Variants in SVIL observed in about 807,000 individuals in gnomAD.
SVIL encodes the protein supervillin.
Under a neutral mutation model 240.4 loss-of-function variants are expected in SVIL, and 101 were observed. That is an observed-to-expected ratio of 0.42 (90% CI 0.36 to 0.50). SVIL has a LOEUF of 0.50. SVIL is among the 20% of genes least tolerant of loss of function. The probability of loss-of-function intolerance (pLI) is 0.01; values close to 1 mark genes in which losing one functional copy is unlikely to be tolerated. For synonymous variants in SVIL, 999 were observed against 1,100.0 expected, an observed-to-expected ratio of 0.91 and a Z score of 1.82; for missense variants, 2,512 against 2,818.7, an observed-to-expected ratio of 0.89 and a Z score of 2.46.
chr10:29,725,555 C>A (rs1964239472), intron 1 of SVIL, among the ~76,000 whole-genome samples: 1 of 152,098 alleles, frequency 6.6e-6, no homozygotes. Context: ...ATTTAAAGAA[C>A]AGATCCTAAA....
chr10:29,513,664 CT>C (rs1375340512), intron 16 of SVIL, among the ~76,000 whole-genome samples: 2 of 152,206 alleles, frequency 1.3e-5, no homozygotes, highest in Non-Finnish European at 2.9e-5. Context: ...AAGCCCTATT[CT>C]TTTCCTACAA....
chr10:29,520,207 C>T (rs1426421072), intron 16 of SVIL, among the ~76,000 whole-genome samples: 1 of 152,176 alleles, frequency 6.6e-6, no homozygotes, highest in Non-Finnish European at 1.5e-5. Flanking sequence ...TTAGTATTTC[C>T]CACTGGGGAA....
intron 1 of SVIL, chr10:29,697,834 C>CAA (rs1209323589): frequency 3.7e-6 from 1 of 273,518 alleles, no homozygotes; most frequent in Non-Finnish European, 6.3e-6. Context: ...ACAACAACAA[C>CAA]AAAAAAAAGT....
chr10:29,561,111 A>G (rs557962142), intron 3 of SVIL, among the ~76,000 whole-genome samples: 1 of 149,424 alleles, frequency 6.7e-6, no homozygotes, highest in Admixed American at 6.6e-5. Context: ...GCGAGCCACC[A>G]TGCCCAGCCG....
At chr10:29,652,465 G>T (rs1052273390) in intron 3 of SVIL, among the ~76,000 whole-genome samples, 1 of 152,028 alleles carries the variant, frequency 6.6e-6, no homozygotes, top group Admixed American at 6.6e-5. Flanking sequence ...CAAACATTTG[G>T]GTTGTTTCCA....
At chr10:29,524,756 C>G in intron 13 of SVIL, 41 bp from the exon 14 acceptor site, 1 of 1,605,268 alleles carries the variant, frequency 6.2e-7, no homozygotes, top group Non-Finnish European at 8.5e-7. Flanking sequence ...TACCAACAAA[C>G]AAAAGCACAC....
chr10:29,516,147 C>G (rs1169661484), intron 16 of SVIL, among the ~76,000 whole-genome samples: 1 of 152,182 alleles, frequency 6.6e-6, no homozygotes, highest in East Asian at 1.9e-4. Context: ...GCATAGGATT[C>G]TGGCTTTCTT....
intron 1 of SVIL, among the ~76,000 whole-genome samples, chr10:29,582,761 A>ATAATAATAG (rs1956003223): frequency 7.1e-6 from 1 of 141,060 alleles, no homozygotes; most frequent in African/African-American, 2.5e-5. Flanking sequence ...AATAATAATA[A>ATAATAATAG]TAATAATAGT....
chr10:29,661,160 C>T (rs1045324620), intron 2 of SVIL, among the ~76,000 whole-genome samples: 19 of 149,454 alleles, frequency 1.3e-4, no homozygotes, highest in Non-Finnish European at 2.5e-4. Context: ...AGCAAGACAC[C>T]GTCTCACAAG....
intron 1 of SVIL, among the ~76,000 whole-genome samples, chr10:29,720,573 G>A (rs921557325): frequency 6.6e-6 from 1 of 152,124 alleles, no homozygotes; most frequent in South Asian, 2.1e-4. Context: ...TAGAAATATG[G>A]ATATACACAA....
chr10:29,656,256 C>T (rs897043860), intron 3 of SVIL, among the ~76,000 whole-genome samples: 25 of 151,830 alleles, frequency 1.6e-4, no homozygotes, highest in African/African-American at 5.8e-4. Flanking sequence ...TCCTCTTTGC[C>T]TTTGCTTTTC....
chr10:29,500,241 G>A (rs535223539), intron 17 of SVIL, among the ~76,000 whole-genome samples: 70 of 152,076 alleles, frequency 4.6e-4, no homozygotes, highest in East Asian at 2.9e-3. Flanking sequence ...AGGGCAGGAG[G>A]TCCTCAAACG....
intron 1 of SVIL, among the ~76,000 whole-genome samples, chr10:29,621,929 C>T (rs983774598): frequency 6.6e-6 from 1 of 152,068 alleles, no homozygotes; most frequent in African/African-American, 2.4e-5. Context: ...CATACACAAA[C>T]ATCAGTGACT....
chr10:29,732,423 G>A (rs1044164455), intron 1 of SVIL, among the ~76,000 whole-genome samples: 5 of 151,868 alleles, frequency 3.3e-5, no homozygotes, highest in Admixed American at 6.6e-5. Flanking sequence ...TACAATATAC[G>A]ATTTTATATT....
chr10:29,486,223 T>A lies in SVIL; in HGVS notation c.4641A>T (p.Gly1547=), dbSNP rs1384856827. The A allele has an allele frequency of 3.7e-6, 6 of 1,614,188 alleles. No homozygotes were observed. Among genetic ancestry groups the A allele is most frequent in the Non-Finnish European group, 5.1e-6 (6 of 1,180,006 alleles). ...LGGQTSYQSA[G]DPKEDELYEA... ...CATAGAGTTCATCTTCTTTTGGGTC[T>A]CCAGCAGCTTGGGGATAAGAAGAAC... Residue 1547 remains glycine (G), a synonymous_variant, in exon 26 of 38, where the codon GGA becomes GGT. Transcript: ENST00000355867.
At chr10:29,495,414 T>G (rs1948356539) in intron 18 of SVIL, among the ~76,000 whole-genome samples, 1 of 152,116 alleles carries the variant, frequency 6.6e-6, no homozygotes, top group Non-Finnish European at 1.5e-5. Flanking sequence ...AAGCCGATAT[T>G]CCAAAATGAA....
At position 29,576,536 on chromosome 10, in the gene SVIL, T is replaced by G. The variant is rs546518092; in HGVS notation, c.-200-7224A>C. On this transcript the variant is annotated intron_variant, in intron 1 of 37. Transcript: ENST00000355867. ...CTAATTCTGATATATACATACCCCA[T>G]CATTTATTAAATTAAATAAAATTAT... Among the ~76,000 whole-genome samples the G allele has an allele frequency of 3.9e-5, 6 of 152,216 alleles. No individual in the cohort carries two copies. The South Asian group carries it at 1.2e-3, about 32-fold the overall frequency.
At chr10:29,670,757 T>A (rs964187681) in intron 2 of SVIL, among the ~76,000 whole-genome samples, 6 of 152,216 alleles carry the variant, frequency 3.9e-5, no homozygotes, top group African/African-American at 1.4e-4. Flanking sequence ...TAGAGTGAAG[T>A]GCAGTGGCAG....
chr10:29,495,364 A>G (rs1948350816), intron 18 of SVIL, among the ~76,000 whole-genome samples, 183 bp from the exon 19 acceptor site: 1 of 151,540 alleles, frequency 6.6e-6, no homozygotes, highest in Non-Finnish European at 1.5e-5. Flanking sequence ...CTGCAAACGT[A>G]GACTGGATTT....
Sources: gnomAD v4.1 joint callset for allele counts (sites outside exome capture counted in the v4.1 genomes callset) on GRCh38, gnomAD v4.1.1 for gene constraint, MANE v1.5 for transcripts, NCBI Gene and HGNC (gene_info 2026-07-23, HGNC 2026-07-21) for gene names.